ATR: variants seen among roughly 807,000 people sequenced by gnomAD.
The protein encoded by ATR is ATR checkpoint kinase.
ATR carries 142 observed loss-of-function variants against 305.3 expected under a neutral mutation model. The observed-to-expected ratio is 0.47, with a 90% CI of 0.41 to 0.53. The LOEUF is 0.53. ATR is among the 20% of genes least tolerant of loss of function. The pLI is 0.00. For missense variants in ATR, 2,135 were observed against 3,133.1 expected (o/e 0.68, Z 7.60); for synonymous variants, 1,050 against 1,068.1 (o/e 0.98, Z 0.33).
rs138664089 is a variant in ATR, at chr3:142,471,456, A to C, written c.6222-1273T>G. Among the ~76,000 whole-genome samples the C allele has an allele frequency of 1.4e-3, 217 of 152,328 alleles. 2 individuals are homozygous for C. In the East Asian group the frequency reaches 0.016, roughly 11 times the overall value. ...TGAGACCCATAGAGACAGTTTAATG[A>C]CATAGAATTGCATTTACCATTCTAC... On this transcript the variant is annotated intron_variant, in intron 36 of 46. Coordinates refer to ENST00000350721, the MANE Select transcript of ATR (RefSeq NM_001184.4).
intron 30 of ATR, among the ~76,000 whole-genome samples, chr3:142,502,440 G>A (rs1016165020): frequency 8.9e-6 from 1 of 112,630 alleles, no homozygotes; most frequent in Non-Finnish European, 1.7e-5. Context: ...ACAAAAATGG[G>A]AACAATAGAC....
At position 142,535,205 on chromosome 3, in the gene ATR, C is replaced by G. The variant is rs2108425437; in HGVS notation, c.3820G>C (p.Glu1274Gln). 1 of 1,612,900 alleles carries G rather than the reference C, an allele frequency of 6.2e-7. No homozygotes were observed. Residue 1274 changes from glutamate to glutamine, a missense_variant and splice_region_variant, in exon 21 of 47, where the codon GAG (glutamate) becomes CAG (glutamine). By Grantham distance (29) the Glu-to-Gln change is conservative. Transcript: ENST00000350721. ...TGAAGATCAGTGCTCTCAGAGGTCT[C>G]CTATATACAAAGCACAGAGAGACAG... ...IKAVLQEYRK[E>Q]TSESTDLQTT...
In ATR at chr3:142,534,932, C is replaced by T. The variant is rs1225805573; in HGVS notation, c.3945+148G>A. On this transcript the variant is annotated intron_variant, in intron 21 of 46. Coordinates refer to ENST00000350721, the MANE Select transcript of ATR (RefSeq NM_001184.4). ...AAGCTCAAAGGGCATCTCATGGATT[C>T]CTAATTCTCAGTCAGATCTGATAAT... is the stretch of plus-strand genomic sequence containing the variant. 4 of 896,214 alleles carry T rather than the reference C, an allele frequency of 4.5e-6. No homozygotes were observed. In the South Asian group the frequency reaches 7.3e-5, roughly 16 times the overall value. 55.5% of individuals were successfully genotyped at this position (896,214 alleles called of 1,614,324 possible).
At chr3:142,488,281 A>G (rs1222054700) in intron 35 of ATR, among the ~76,000 whole-genome samples, 2 of 152,138 alleles carry the variant, frequency 1.3e-5, no homozygotes. Context: ...TTGCTCCTTC[A>G]GGTCTAGAGT....
At chr3:142,559,570 A>G (rs1384618024) in intron 6 of ATR, 129 bp from the exon 7 acceptor site, 1 of 866,284 alleles carries the variant, frequency 1.2e-6, no homozygotes, top group East Asian at 2.7e-5. Flanking sequence ...TAAAGTAAAC[A>G]TGCAAATCAA....
At chr3:142,469,688 C>A in intron 37 of ATR, 119 bp from the exon 38 acceptor site, 1 of 845,444 alleles carries the variant, frequency 1.2e-6, no homozygotes. Context: ...TATTCCCATG[C>A]CCAAGGTTAG....
Position 142,469,621 on chromosome 3 carries a change from A to G in ATR, c.6320-52T>C, listed in dbSNP as rs539959464. 7 of 1,472,110 alleles carry G rather than the reference A, an allele frequency of 4.8e-6. No individual in the cohort carries two copies. In the East Asian group the frequency reaches 6.8e-5, roughly 14 times the overall value. The allele number at this position is 1,472,110 out of a possible 1,614,324, so 91.2% of individuals were successfully genotyped here. On this transcript the variant is annotated intron_variant, in intron 37 of 46. Transcript: ENST00000350721. ...CAATAAAGGAAAGAGAAAAATCAGTATATCAGTTCATTTCACAGAAGAAAA... is the reference window on the plus strand; with the variant it reads ...CAATAAAGGAAAGAGAAAAATCAGTGTATCAGTTCATTTCACAGAAGAAAA...
chr3:142,534,655 C>A (rs1451784498), intron 21 of ATR, among the ~76,000 whole-genome samples: 1 of 152,114 alleles, frequency 6.6e-6, no homozygotes, highest in Non-Finnish European at 1.5e-5. Context: ...AGTTCACTCA[C>A]CCCTTGAAAA....
chr3:142,494,977 T>C (rs1049096434), intron 34 of ATR, among the ~76,000 whole-genome samples: 1 of 152,074 alleles, frequency 6.6e-6, no homozygotes, highest in Non-Finnish European at 1.5e-5. Context: ...AGGGAGAGGA[T>C]TCAAGAGATA....
At chr3:142,577,419 AATG>A (rs2035475781) in intron 1 of ATR, among the ~76,000 whole-genome samples, 1 of 152,218 alleles carries the variant, frequency 6.6e-6, no homozygotes, top group African/African-American at 2.4e-5. Context: ...AACTTCCTAC[AATG>A]ATCACTTTTC....
rs1474581460 is a variant in ATR at position 142,479,049 on chromosome 3, A to C, written c.6221+6091T>G. On this transcript the variant is annotated intron_variant, in intron 36 of 46. Coordinates refer to ENST00000350721, the MANE Select transcript of ATR (RefSeq NM_001184.4). ...GGGTCTTGACTCTATCCAATTTGCC[A>C]GTCTGTGTCTTTTAACTGGAGCATT... 3.3e-5 allele frequency among the ~76,000 whole-genome samples: 5 copies of C among 152,320 alleles called. No homozygotes were observed. The East Asian group carries it at 9.6e-4, about 29-fold the overall frequency.
chr3:142,491,099 A>G (rs2031249023), intron 35 of ATR, among the ~76,000 whole-genome samples: 1 of 152,042 alleles, frequency 6.6e-6, no homozygotes, highest in Non-Finnish European at 1.5e-5. Flanking sequence ...GAACATTTTC[A>G]TCACTCCAAA....
At chr3:142,485,526 C>T (rs928632294) in intron 35 of ATR, among the ~76,000 whole-genome samples, 2 of 152,054 alleles carry the variant, frequency 1.3e-5, no homozygotes, top group Admixed American at 6.6e-5. Flanking sequence ...TGGAAGAATT[C>T]GCAACTTAGG....
rs895672727 is a variant in ATR, at chr3:142,567,995, T to C, written c.151+68A>G. ...TAAAACTACATGGAGAAAATGCTAC[T>C]ATAATTTATACATGGAAAAGAAAAG... On this transcript the variant is annotated intron_variant, in intron 2 of 46. Transcript: ENST00000350721. 21 of 1,275,900 alleles carry C rather than the reference T, an allele frequency of 1.6e-5. No individual in the cohort carries two copies. In the African/African-American group the frequency reaches 3.0e-4, roughly 18 times the overall value. The allele number at this position is 1,275,900 out of a possible 1,614,324, so 79.0% of individuals were successfully genotyped here.
intron 35 of ATR, among the ~76,000 whole-genome samples, chr3:142,487,579 A>G (rs903993141): frequency 6.6e-6 from 1 of 152,184 alleles, no homozygotes; most frequent in Non-Finnish European, 1.5e-5. Context: ...CCATTCTATA[A>G]CTGATTGCCA....
chr3:142,478,353 T>G (rs1363611044), intron 36 of ATR, among the ~76,000 whole-genome samples: 1 of 152,228 alleles, frequency 6.6e-6, no homozygotes, highest in Admixed American at 6.5e-5. Context: ...ATGTACCCAG[T>G]AGTCATTCAG....
At chr3:142,524,852 G>A (rs1353313132) in intron 21 of ATR, among the ~76,000 whole-genome samples, 2 of 152,090 alleles carry the variant, frequency 1.3e-5, no homozygotes, top group Non-Finnish European at 2.9e-5. Flanking sequence ...TGTTAAGTAA[G>A]AAGAAACAAT....
intron 41 of ATR, among the ~76,000 whole-genome samples, chr3:142,462,507 C>T (rs574031698): frequency 2.0e-5 from 3 of 149,910 alleles, no homozygotes; most frequent in South Asian, 4.2e-4. Context: ...CTTGCTCTGT[C>T]GCCCAAGCTG....
chr3:142,498,879 T>C (rs2031794218), intron 31 of ATR, 105 bp from the exon 32 acceptor site: 4 of 1,129,496 alleles, frequency 3.5e-6, no homozygotes, highest in Middle Eastern at 2.0e-4. Flanking sequence ...ACAGGTGGCT[T>C]CATTCCTTTT....
Sources: allele counts gnomAD v4.1 joint callset (sites outside exome capture counted in the v4.1 genomes callset), GRCh38; gene constraint gnomAD v4.1.1; transcripts MANE v1.5; gene names NCBI Gene and HGNC (gene_info 2026-07-23, HGNC 2026-07-21).